Variants in PRR16 observed in about 807,000 individuals in gnomAD.
The protein encoded by PRR16 is protein Largen.
A neutral mutation model predicts 18.2 loss-of-function variants in PRR16; 6 were observed. The ratio of observed to expected loss-of-function variants is 0.33; its 90% confidence interval spans 0.18 to 0.65. The LOEUF is 0.65. Ranked by LOEUF, PRR16 falls within the 30% of genes least tolerant of loss-of-function variation. The pLI, the probability that PRR16 is intolerant of heterozygous loss-of-function variation, is 0.74. For synonymous variants in PRR16, 151 were observed against 147.8 expected (o/e 1.02, Z -0.16); for missense variants, 412 against 376.6 (o/e 1.09, Z -0.78).
intron 1 of PRR16, among the ~76,000 whole-genome samples, chr5:120,566,612 A>G (rs1435996899): frequency 6.9e-6 from 1 of 144,106 alleles, no homozygotes; most frequent in African/African-American, 2.6e-5. Context: ...CAATTTATCC[A>G]TGTATAAAAA....
chr5:120,516,109 AAACCAAACC>A (rs1315719852), intron 1 of PRR16, among the ~76,000 whole-genome samples: 8 of 150,984 alleles, frequency 5.3e-5, no homozygotes, highest in Non-Finnish European at 1.0e-4. Flanking sequence ...CTAGAAAGCA[AAACCAAACC>A]AAACCAAACC....
intron 1 of PRR16, among the ~76,000 whole-genome samples, chr5:120,616,764 C>T (rs554062538): frequency 3.3e-5 from 5 of 152,272 alleles, no homozygotes; most frequent in African/African-American, 9.6e-5. Flanking sequence ...ACCTACAAAG[C>T]ATCCAGTGAT....
the PRR16 span, among the ~76,000 whole-genome samples, chr5:120,724,563 A>G: frequency 6.6e-6 from 1 of 152,140 alleles, no homozygotes; most frequent in Non-Finnish European, 1.5e-5. Context: ...GACTGATTAA[A>G]TCACTCATTA....
At chr5:120,625,861 C>T (rs1279323404) in intron 1 of PRR16, among the ~76,000 whole-genome samples, 2 of 152,112 alleles carry the variant, frequency 1.3e-5, no homozygotes, top group Non-Finnish European at 2.9e-5. Flanking sequence ...CATCATCTAA[C>T]CCTCATGACA....
chr5:120,724,821 G>A, the PRR16 span, among the ~76,000 whole-genome samples: 1 of 151,926 alleles, frequency 6.6e-6, no homozygotes, highest in African/African-American at 2.4e-5. Flanking sequence ...CATAGGAAGA[G>A]TCTACCACAT....
intron 1 of PRR16, among the ~76,000 whole-genome samples, chr5:120,681,264 C>T (rs991380487): frequency 2.0e-5 from 3 of 152,004 alleles, no homozygotes; most frequent in Admixed American, 6.6e-5. Context: ...CCTTTGCTCA[C>T]TTTTTATTTC....
chr5:120,707,132 G>A, the PRR16 span, among the ~76,000 whole-genome samples: 32 of 152,306 alleles, frequency 2.1e-4, 1 homozygote, highest in Admixed American at 1.8e-3. Flanking sequence ...TCTAAGAAAA[G>A]TGATGTCAGA....
chr5:120,754,401 T>TTATACTATATAGTATATAGTATATAATA, the PRR16 span, among the ~76,000 whole-genome samples: 18 of 67,204 alleles, frequency 2.7e-4, 1 homozygote, highest in African/African-American at 6.7e-4. Flanking sequence ...ATGTTATATA[T>TTATACTATATAGTATATAGTATATAATA]TATACTATAT....
chr5:120,563,483 TTTTAAAGGCAGAGGAGCTTC>T (rs1320130835), intron 1 of PRR16, among the ~76,000 whole-genome samples: 4 of 152,226 alleles, frequency 2.6e-5, no homozygotes, highest in African/African-American at 9.6e-5. Flanking sequence ...TCCCTTCCCT[TTTTAAAGGCAGAGGAGCTTC>T]TCCCTGTGGC....
At chr5:120,791,114 T>G in the PRR16 span, among the ~76,000 whole-genome samples, 1 of 152,162 alleles carries the variant, frequency 6.6e-6, no homozygotes, top group Non-Finnish European at 1.5e-5. Flanking sequence ...ACAGTTTTTA[T>G]AGCCAAACAG....
At chr5:120,714,838 G>A in the PRR16 span, among the ~76,000 whole-genome samples, 196 of 152,204 alleles carry the variant, frequency 1.3e-3, 1 homozygote, top group African/African-American at 4.5e-3. Context: ...GTACTTTGCA[G>A]GGACATAGAT....
At chr5:120,747,868 TA>T in the PRR16 span, among the ~76,000 whole-genome samples, 5 of 151,860 alleles carry the variant, frequency 3.3e-5, no homozygotes, top group Admixed American at 2.6e-4. Flanking sequence ...AGACTTTATG[TA>T]AAAAAAACAA....
chr5:120,732,135 A>T, the PRR16 span, among the ~76,000 whole-genome samples: 1 of 152,244 alleles, frequency 6.6e-6, no homozygotes, highest in Non-Finnish European at 1.5e-5. Flanking sequence ...GACACACTGT[A>T]CAGCTCATAG....
chr5:120,717,439 A>C, the PRR16 span, among the ~76,000 whole-genome samples: 1 of 152,176 alleles, frequency 6.6e-6, no homozygotes, highest in Admixed American at 6.5e-5. Context: ...CTCATGAATA[A>C]CCTGATGAAA....
the PRR16 span, among the ~76,000 whole-genome samples, chr5:120,722,710 C>G: frequency 6.6e-6 from 1 of 151,992 alleles, no homozygotes; most frequent in Non-Finnish European, 1.5e-5. Flanking sequence ...ATTATGAACT[C>G]TAGAGCAGAC....
chr5:120,621,183 C>T (rs1754677985), intron 1 of PRR16, among the ~76,000 whole-genome samples: 1 of 152,114 alleles, frequency 6.6e-6, no homozygotes, highest in Non-Finnish European at 1.5e-5. Context: ...AAACTCTACT[C>T]CTTCTTTTGC....
At chr5:120,629,549 A>G (rs998636470) in intron 1 of PRR16, among the ~76,000 whole-genome samples, 1 of 152,136 alleles carries the variant, frequency 6.6e-6, no homozygotes, top group South Asian at 2.1e-4. Context: ...AATATTTTAG[A>G]ATCATTTGTT....
intron 1 of PRR16, among the ~76,000 whole-genome samples, chr5:120,551,009 A>G (rs1014801090): frequency 1.3e-5 from 2 of 152,046 alleles, no homozygotes; most frequent in East Asian, 1.9e-4. Flanking sequence ...GCTAATTAAC[A>G]TATGTATAAC....
chr5:120,777,228 T>C, the PRR16 span, among the ~76,000 whole-genome samples: 2 of 152,140 alleles, frequency 1.3e-5, no homozygotes, highest in African/African-American at 4.8e-5. Flanking sequence ...ATGAGTTTTA[T>C]TGTTCAATAT....
Sources: gnomAD v4.1 joint callset for allele counts (sites outside exome capture counted in the v4.1 genomes callset) on GRCh38, gnomAD v4.1.1 for gene constraint, MANE v1.5 for transcripts, NCBI Gene and HGNC (gene_info 2026-07-23, HGNC 2026-07-21) for gene names.